The following ADARB2 variants were observed in gnomAD, a reference collection of about 807,000 sequenced individuals.
The protein encoded by ADARB2 is inactive double-stranded RNA-specific editase B2.
A neutral mutation model predicts 62.2 loss-of-function variants in ADARB2; 25 were observed. The ratio of observed to expected loss-of-function variants is 0.40; its 90% CI spans 0.29 to 0.56. ADARB2 has a LOEUF of 0.56. Ranked by LOEUF, ADARB2 falls within the 20% of genes least tolerant of loss-of-function variation. The pLI, the probability that ADARB2 is intolerant of heterozygous loss-of-function variation, is 0.43. For synonymous variants in ADARB2, 572 were observed against 500.8 expected, an observed-to-expected ratio of 1.14 and a Z score of -1.90; for missense variants, 1,071 against 1,077.4, an observed-to-expected ratio of 0.99 and a Z score of 0.08.
At chr10:1,417,379 G>A (rs1832813246) in intron 1 of ADARB2, among the ~76,000 whole-genome samples, 1 of 152,088 alleles carries the variant, frequency 6.6e-6, no homozygotes, top group Non-Finnish European at 1.5e-5. Context: ...AGATGACCAG[G>A]GAGTGCAGCC....
intron 1 of ADARB2, among the ~76,000 whole-genome samples, chr10:1,411,551 G>A (rs981971274): frequency 6.6e-6 from 1 of 152,152 alleles, no homozygotes; most frequent in African/African-American, 2.4e-5. Context: ...CTTTCTGACT[G>A]TATCCCTGGG....
At chr10:1,469,802 G>A (rs921674079) in intron 1 of ADARB2, among the ~76,000 whole-genome samples, 2 of 152,236 alleles carry the variant, frequency 1.3e-5, no homozygotes, top group African/African-American at 4.8e-5. Flanking sequence ...AACTGCTAGA[G>A]AGATGGTAAA....
chr10:1,199,661 G>A (rs1836958388), intron 8 of ADARB2: 1 of 315,230 alleles, frequency 3.2e-6, no homozygotes, highest in Non-Finnish European at 5.8e-6. Flanking sequence ...AGGTGGGCAG[G>A]TGGGGCCTCT....
chr10:1,228,678 C>CAT (rs1175812571), intron 6 of ADARB2, among the ~76,000 whole-genome samples: 1 of 152,232 alleles, frequency 6.6e-6, no homozygotes, highest in Non-Finnish European at 1.5e-5. Context: ...GGTCACATGA[C>CAT]ATTGAAGACT....
At chr10:1,371,481 T>C (rs1292443054) in intron 2 of ADARB2, among the ~76,000 whole-genome samples, 2 of 151,522 alleles carry the variant, frequency 1.3e-5, no homozygotes, top group Non-Finnish European at 2.9e-5. Context: ...CAGCAAAAAA[T>C]AAAATAAAGT....
chr10:1,206,442 C>T (rs555770798), intron 7 of ADARB2, among the ~76,000 whole-genome samples: 2 of 147,994 alleles, frequency 1.4e-5, no homozygotes, highest in Non-Finnish European at 3.0e-5. Context: ...TCTCCTCCAA[C>T]TGGGGCGTCT....
At chr10:1,602,022 G>A (rs1421773432) in intron 1 of ADARB2, among the ~76,000 whole-genome samples, 1 of 152,194 alleles carries the variant, frequency 6.6e-6, no homozygotes, top group East Asian at 1.9e-4. Flanking sequence ...CCACTGGCAG[G>A]AGGGCTCATG....
At chr10:1,274,988 G>A (rs1831300415) in intron 3 of ADARB2, among the ~76,000 whole-genome samples, 1 of 152,362 alleles carries the variant, frequency 6.6e-6, no homozygotes, top group East Asian at 1.9e-4. Context: ...CCTTGGAGGG[G>A]GGCCCGTGGT....
intron 1 of ADARB2, among the ~76,000 whole-genome samples, chr10:1,469,346 G>A (rs759579836): frequency 6.6e-6 from 1 of 152,120 alleles, no homozygotes; most frequent in Admixed American, 6.5e-5. Context: ...TAAGTCCACC[G>A]TCTTTATTCT....
chr10:1,403,910 T>C (rs1240962320), intron 1 of ADARB2, among the ~76,000 whole-genome samples: 3 of 152,184 alleles, frequency 2.0e-5, no homozygotes, highest in Non-Finnish European at 4.4e-5. Context: ...AGCACACCTG[T>C]GTCATCTGGG....
intron 1 of ADARB2, among the ~76,000 whole-genome samples, chr10:1,625,653 A>G (rs1225323159): frequency 6.6e-6 from 1 of 152,118 alleles, no homozygotes; most frequent in African/African-American, 2.4e-5. Flanking sequence ...CATCACATTA[A>G]TACAGAATTG....
intron 1 of ADARB2, among the ~76,000 whole-genome samples, chr10:1,684,067 G>A (rs1027581575): frequency 6.6e-6 from 1 of 152,252 alleles, no homozygotes; most frequent in Non-Finnish European, 1.5e-5. Flanking sequence ...GGAGTGAAGT[G>A]CGTTTCAAAA....
At chr10:1,230,972 C>T (rs916784569) in intron 6 of ADARB2, among the ~76,000 whole-genome samples, 3 of 152,158 alleles carry the variant, frequency 2.0e-5, no homozygotes, top group African/African-American at 4.8e-5. Flanking sequence ...CAGGGTGCCT[C>T]GGAGAACGTA....
At chr10:1,417,998 G>A (rs1832819565) in intron 1 of ADARB2, among the ~76,000 whole-genome samples, 1 of 152,236 alleles carries the variant, frequency 6.6e-6, no homozygotes, top group Non-Finnish European at 1.5e-5. Flanking sequence ...GCCCCTTGCA[G>A]TACATTTAAA....
At chr10:1,242,070 C>G in intron 5 of ADARB2, 61 bp downstream of exon 5, 1 of 1,513,410 alleles carries the variant, frequency 6.6e-7, no homozygotes, top group Non-Finnish European at 8.8e-7. Context: ...GCCCCATCTG[C>G]TCCCTGGCAG....
At chr10:1,374,184 C>T (rs1017519336) in intron 2 of ADARB2, among the ~76,000 whole-genome samples, 5 of 152,214 alleles carry the variant, frequency 3.3e-5, no homozygotes, top group African/African-American at 1.2e-4. Flanking sequence ...CAGAGAGCTG[C>T]ACGTATCCTT....
chr10:1,363,300 C>T lies in ADARB2; in HGVS notation c.805G>A (p.Ala269Thr). Residue 269 changes from alanine to threonine, a missense_variant, in exon 3 of 10, where the codon GCC becomes ACC. Ala to Thr is a moderately conservative substitution (Grantham distance 58, BLOSUM62 0). Coordinates refer to ENST00000381312, the MANE Select transcript of ADARB2 (RefSeq NM_018702.4). ...RALDLVGPTP[A>T]TPAAPGERNP... The stretch of plus-strand genomic sequence containing the variant: ...CGCTCGCCCGGGGCCGCGGGGGTGG[C>T]GGGGGTCGGGCCCACCAGGTCCAGC... 2 of 1,231,480 alleles carry T rather than the reference C, an allele frequency of 1.6e-6. No individual in the cohort carries two copies. The highest frequency in any genetic ancestry group is 6.8e-5 in the South Asian group (2 of 29,208). 76.3% of individuals were successfully genotyped at this position (1,231,480 alleles called of 1,614,324 possible).
chr10:1,309,258 A>G (rs1430400734), intron 3 of ADARB2, among the ~76,000 whole-genome samples: 1 of 152,236 alleles, frequency 6.6e-6, no homozygotes, highest in African/African-American at 2.4e-5. Flanking sequence ...CCAGAAAGAA[A>G]TGTGCCATTG....
intron 1 of ADARB2, among the ~76,000 whole-genome samples, chr10:1,537,677 C>G (rs984789871): frequency 1.3e-5 from 2 of 152,184 alleles, no homozygotes; most frequent in African/African-American, 4.8e-5. Context: ...ATGGATGAAG[C>G]TGGAAACCAT....
Sources: allele counts gnomAD v4.1 joint callset (sites outside exome capture counted in the v4.1 genomes callset), GRCh38; gene constraint gnomAD v4.1.1; transcripts MANE v1.5; gene names NCBI Gene and HGNC (gene_info 2026-07-23, HGNC 2026-07-21).